The following DSCAM variants were observed in gnomAD, a reference collection of about 807,000 sequenced individuals.
DSCAM encodes DS cell adhesion molecule.
A neutral mutation model predicts 217.7 loss-of-function variants in DSCAM; 47 were observed. The observed-to-expected ratio is 0.22, with a 90% CI of 0.17 to 0.28. The LOEUF (loss-of-function observed/expected upper bound fraction) is 0.28, where lower values mean the gene tolerates loss of function less well. DSCAM is among the 10% of genes least tolerant of loss of function. The probability of loss-of-function intolerance (pLI) is 1.00; values close to 1 mark genes in which losing one functional copy is unlikely to be tolerated. For missense variants in DSCAM, 2,080 were observed against 2,618.3 expected (o/e 0.79, Z 4.49); for synonymous variants, 1,056 against 1,015.3 (o/e 1.04, Z -0.76).
chr21:40,450,115 G>A (rs558491808), intron 3 of DSCAM, among the ~76,000 whole-genome samples: 1 of 152,118 alleles, frequency 6.6e-6, no homozygotes, highest in Admixed American at 6.6e-5. Flanking sequence ...AGCTATACAG[G>A]AAATGGTTAA....
At chr21:40,175,809 G>A (rs72656927) in intron 15 of DSCAM, among the ~76,000 whole-genome samples, 11,262 of 79,418 alleles carry the variant, frequency 0.14, 549 homozygotes, top group African/African-American at 0.23. Flanking sequence ...ACACACACAC[G>A]CACACACACA....
intron 8 of DSCAM, among the ~76,000 whole-genome samples, chr21:40,334,841 G>A (rs1487760777): frequency 6.6e-6 from 1 of 151,866 alleles, no homozygotes; most frequent in African/African-American, 2.4e-5. Flanking sequence ...CCTTAGTCTG[G>A]CCATGTGACT....
intron 15 of DSCAM, among the ~76,000 whole-genome samples, chr21:40,175,817 A>G (rs1338267009): frequency 2.0e-5 from 3 of 148,758 alleles, no homozygotes; most frequent in African/African-American, 5.0e-5. Flanking sequence ...ACGCACACAC[A>G]CACACACGCA....
intron 4 of DSCAM, 61 bp from the exon 5 acceptor site, chr21:40,353,804 T>C (rs781422065): frequency 1.0e-4 from 143 of 1,382,424 alleles, no homozygotes; most frequent in Non-Finnish European, 1.2e-4. Flanking sequence ...TCATTTAGAA[T>C]TGTAGGACTT....
intron 3 of DSCAM, among the ~76,000 whole-genome samples, chr21:40,422,412 T>A (rs1177746433): frequency 1.3e-5 from 2 of 152,080 alleles, no homozygotes; most frequent in Non-Finnish European, 2.9e-5. Context: ...AGCAGATCAC[T>A]TGAGGTCAGG....
At chr21:40,785,464 C>T (rs2091584243) in intron 1 of DSCAM, among the ~76,000 whole-genome samples, 1 of 152,136 alleles carries the variant, frequency 6.6e-6, no homozygotes, top group Non-Finnish European at 1.5e-5. Flanking sequence ...GCCTCACTGG[C>T]CAATACACTT....
At chr21:40,750,895 G>C (rs115357707) in intron 1 of DSCAM, among the ~76,000 whole-genome samples, 24 of 152,140 alleles carry the variant, frequency 1.6e-4, no homozygotes, top group African/African-American at 2.9e-4. Flanking sequence ...ACCATCTCTC[G>C]TTAGAATGAC....
intron 3 of DSCAM, among the ~76,000 whole-genome samples, chr21:40,524,181 T>C (rs1371623500): frequency 6.6e-6 from 1 of 152,166 alleles, no homozygotes; most frequent in East Asian, 1.9e-4. Flanking sequence ...ATTTAGATCA[T>C]GAGCAACTTA....
At chr21:40,294,622 C>G (rs191271322) in intron 10 of DSCAM, among the ~76,000 whole-genome samples, 3 of 152,212 alleles carry the variant, frequency 2.0e-5, no homozygotes, top group Admixed American at 2.0e-4. Flanking sequence ...TGTAAACACC[C>G]TCAGGGAGAG....
Position 40,708,686 on chromosome 21 carries a change from C to T in DSCAM, c.129G>A (p.Leu43=). 6.2e-7 allele frequency: 1 copy of T among 1,612,488 alleles called. No homozygotes were observed. Among genetic ancestry groups the T allele is most frequent in the Non-Finnish European group, 8.5e-7 (1 of 1,179,300 alleles). The part of the protein sequence containing the change: ...EVVFASTTGT[L]VPCPAAGIPP... ...GGATGCCTGCTGCGGGGCAGGGCAC[C>T]AGAGTCCCCGTGGTGCTGGCAAACA... Residue 43 remains leucine, a synonymous_variant, in exon 2 of 33, where the codon CTG becomes CTA. Coordinates refer to ENST00000400454, the MANE Select transcript of DSCAM (RefSeq NM_001389.5).
chr21:40,621,412 A>G (rs894456003), intron 3 of DSCAM: 1 of 152,208 alleles, frequency 6.6e-6, no homozygotes, highest in African/African-American at 2.4e-5. Flanking sequence ...TGAGGCAAAC[A>G]GCAAGAAAAC....
rs965398466 is a variant in DSCAM, at chr21:40,036,852, C to T, written c.5686+5519G>A. Among the ~76,000 whole-genome samples the T allele has an allele frequency of 4.6e-4, 69 of 149,596 alleles. 2 individuals are homozygous for T. Among genetic ancestry groups the T allele is most frequent in the African/African-American group, 1.6e-3 (63 of 39,172 alleles). On this transcript the variant is annotated intron_variant, in intron 32 of 32. Transcript: ENST00000400454. ...TGGGCTTCATCCCTGGGATGCAAGG[C>T]TGGTTCAATATACACATATCAATAA...
At chr21:40,091,245 C>A (rs1458815157) in intron 21 of DSCAM, among the ~76,000 whole-genome samples, 1 of 152,090 alleles carries the variant, frequency 6.6e-6, no homozygotes, top group Non-Finnish European at 1.5e-5. Flanking sequence ...AGATCATGTG[C>A]CTCCCTTGCT....
At chr21:40,839,035 C>A (rs1193347207) in intron 1 of DSCAM, among the ~76,000 whole-genome samples, 1 of 152,066 alleles carries the variant, frequency 6.6e-6, no homozygotes, top group Non-Finnish European at 1.5e-5. Flanking sequence ...ACTTAAGGAA[C>A]CTGGGGGACA....
chr21:40,792,047 C>T (rs1360507569), intron 1 of DSCAM, among the ~76,000 whole-genome samples: 1 of 151,708 alleles, frequency 6.6e-6, no homozygotes, highest in Non-Finnish European at 1.5e-5. Context: ...TAGGTTTTTT[C>T]CTGAGGTTTA....
intron 20 of DSCAM, among the ~76,000 whole-genome samples, chr21:40,094,967 C>G (rs1007247974): frequency 1.3e-5 from 2 of 152,168 alleles, no homozygotes; most frequent in Non-Finnish European, 2.9e-5. Flanking sequence ...TAATATGTCA[C>G]AGCGATACCA....
intron 32 of DSCAM, among the ~76,000 whole-genome samples, chr21:40,025,566 T>G (rs899278925): frequency 6.6e-6 from 1 of 150,588 alleles, no homozygotes; most frequent in African/African-American, 2.5e-5. Context: ...ATTGGTCTAT[T>G]CAGAGATTCA....
chr21:40,397,178 T>C (rs956150745), intron 3 of DSCAM, among the ~76,000 whole-genome samples: 2 of 152,202 alleles, frequency 1.3e-5, no homozygotes, highest in Non-Finnish European at 2.9e-5. Context: ...CTGGCAATAA[T>C]CATTGTCTCA....
intron 1 of DSCAM, among the ~76,000 whole-genome samples, chr21:40,733,620 G>A (rs1334490519): frequency 6.6e-6 from 1 of 152,152 alleles, no homozygotes; most frequent in African/African-American, 2.4e-5. Context: ...CATAGACTGT[G>A]GGTCCTGCTC....
Sources: gnomAD v4.1 joint callset for allele counts (sites outside exome capture counted in the v4.1 genomes callset) on GRCh38, gnomAD v4.1.1 for gene constraint, MANE v1.5 for transcripts, NCBI Gene and HGNC (gene_info 2026-07-23, HGNC 2026-07-21) for gene names.